The following CNOT4 variants were observed in gnomAD, a reference collection of about 807,000 sequenced individuals.
The protein encoded by CNOT4 is CCR4-NOT transcription complex subunit 4.
CNOT4 carries 8 observed loss-of-function variants against 73.8 expected under a neutral mutation model. That is an observed-to-expected ratio of 0.11 (90% CI 0.06 to 0.20). The LOEUF (loss-of-function observed/expected upper bound fraction) is 0.20. CNOT4 is among the 10% of genes least tolerant of loss of function. The pLI is 1.00. For missense variants in CNOT4, 564 were observed against 883.4 expected, an observed-to-expected ratio of 0.64 and a Z score of 4.58; for synonymous variants, 293 against 321.1, an observed-to-expected ratio of 0.91 and a Z score of 0.94.
rs548680829 is a variant in CNOT4 at position 135,407,641 on chromosome 7, G to A, written c.821+2874C>T. ...AAACAGGAAAAAGAAAATCTTTCCCGAAAGGCACAAGAGAGATATGCTATG... is the reference window on the plus strand; with the variant it reads ...AAACAGGAAAAAGAAAATCTTTCCCAAAAGGCACAAGAGAGATATGCTATG... On this transcript the variant is annotated intron_variant, in intron 7 of 11. Transcript: ENST00000541284. 1.1e-4 allele frequency among the ~76,000 whole-genome samples: 16 copies of A among 152,236 alleles called. No homozygotes were observed. In the South Asian group the frequency reaches 3.1e-3, roughly 30 times the overall value.
chr7:135,396,952 T>A (rs929073921), intron 8 of CNOT4, among the ~76,000 whole-genome samples: 2 of 152,124 alleles, frequency 1.3e-5, no homozygotes, highest in African/African-American at 4.8e-5. Context: ...ATTTTACCAT[T>A]TATTACTATT....
At position 135,393,958 on chromosome 7, in the gene CNOT4, C is replaced by T. The variant is rs374569292; in HGVS notation, c.1587G>A (p.Pro529=). The T allele has an allele frequency of 9.1e-5, 146 of 1,612,138 alleles. No homozygotes were observed. Among genetic ancestry groups the T allele is most frequent in the South Asian group, 1.1e-4 (10 of 91,002 alleles). Reference sequence around the variant, plus strand: ...CTCCCAGACCTGTGTTGTGCTGTGGCGGGAGATTCAAGTCCAAGAAATTAC... The same window carrying T: ...CTCCCAGACCTGTGTTGTGCTGTGGTGGGAGATTCAAGTCCAAGAAATTAC... ...SNSNFLDLNL[P]PQHNTGLGGI... The change falls in exon 10 of 12, where the codon CCG becomes CCA. Residue 529 remains proline (P), a synonymous_variant. Coordinates refer to ENST00000541284, the MANE Select transcript of CNOT4 (RefSeq NM_001190850.2).
At chr7:135,393,824 A>G in intron 10 of CNOT4, 94 bp downstream of exon 10, 1 of 791,346 alleles carries the variant, frequency 1.3e-6, no homozygotes, top group Non-Finnish European at 2.1e-6. Context: ...CCAAGATATT[A>G]GTACTCTGTT....
chr7:135,373,990 G>A (rs923494487), intron 10 of CNOT4, among the ~76,000 whole-genome samples: 1 of 152,124 alleles, frequency 6.6e-6, no homozygotes, highest in Non-Finnish European at 1.5e-5. Context: ...GTGTTTGGGG[G>A]TATTTTTCAT....
In CNOT4 at chr7:135,486,630, C is replaced by G. The variant is rs942043444; in HGVS notation, c.-93+23259G>C. 5.9e-5 allele frequency among the ~76,000 whole-genome samples: 9 copies of G among 152,206 alleles called. No individual in the cohort carries two copies. In the South Asian group the frequency reaches 1.4e-3, roughly 25 times the overall value. On this transcript the variant is annotated intron_variant, in intron 1 of 11. Coordinates refer to ENST00000541284, the MANE Select transcript of CNOT4 (RefSeq NM_001190850.2). ...ATGTTCATAACAGCTTTTAGTTGAG[C>G]CAGAAACTGAAAAGAACCAAAATGT...
intron 2 of CNOT4, among the ~76,000 whole-genome samples, chr7:135,423,518 G>A (rs912738204): frequency 6.7e-6 from 1 of 150,196 alleles, no homozygotes; most frequent in African/African-American, 2.5e-5. Flanking sequence ...CCAGAGTAAC[G>A]CTGACGGCAA....
chr7:135,456,926 C>G (rs1800570407), intron 1 of CNOT4, among the ~76,000 whole-genome samples: 1 of 151,976 alleles, frequency 6.6e-6, no homozygotes, highest in African/African-American at 2.4e-5. Flanking sequence ...AGAAGTAAAA[C>G]TAGTCTTTAT....
At chr7:135,487,549 G>A (rs533316494) in intron 1 of CNOT4, among the ~76,000 whole-genome samples, 39 of 151,992 alleles carry the variant, frequency 2.6e-4, no homozygotes, top group South Asian at 1.7e-3. Flanking sequence ...CTAATTTTCC[G>A]TACCTAAGCA....
chr7:135,472,321 CA>C (rs1193756241), intron 1 of CNOT4, among the ~76,000 whole-genome samples: 1 of 140,536 alleles, frequency 7.1e-6, no homozygotes, highest in African/African-American at 2.7e-5. Context: ...ACTAAAAATA[CA>C]AAAAATTAGC....
At position 135,409,629 on chromosome 7, in the gene CNOT4, T is replaced by C. The variant is rs1797487220; in HGVS notation, c.821+886A>G. 2.0e-5 allele frequency among the ~76,000 whole-genome samples: 3 copies of C among 152,254 alleles called. No individual in the cohort carries two copies. In the South Asian group the frequency reaches 6.2e-4, roughly 32 times the overall value. On this transcript the variant is annotated intron_variant, in intron 7 of 11. Coordinates refer to ENST00000541284, the MANE Select transcript of CNOT4 (RefSeq NM_001190850.2). ...TTTTAGCACCAAACAGACACTGGGC[T>C]ATAATATTTAACACCTAGACATTAG...
intron 1 of CNOT4, among the ~76,000 whole-genome samples, chr7:135,496,545 C>T (rs1179778222): frequency 2.6e-5 from 4 of 152,022 alleles, no homozygotes; most frequent in Non-Finnish European, 4.4e-5. Context: ...CCTCGAACTT[C>T]GTATTGGACT....
At chr7:135,403,377 A>C (rs986014596) in intron 7 of CNOT4, among the ~76,000 whole-genome samples, 1 of 152,260 alleles carries the variant, frequency 6.6e-6, no homozygotes, top group Non-Finnish European at 1.5e-5. Flanking sequence ...ATACTTTGAC[A>C]CAGGCTTCAA....
chr7:135,437,178 GCTTTTCTTTT>G (rs146097900), intron 2 of CNOT4, among the ~76,000 whole-genome samples: 1 of 151,592 alleles, frequency 6.6e-6, no homozygotes, highest in East Asian at 1.9e-4. Context: ...GTTAGGAGGG[GCTTTTCTTTT>G]CTTTTCTTTT....
intron 1 of CNOT4, chr7:135,444,891 G>C: frequency 1.3e-6 from 2 of 1,599,208 alleles, no homozygotes; most frequent in South Asian, 2.2e-5. Context: ...CTATCACGAT[G>C]TGGGCATCTG....
In CNOT4 at chr7:135,472,116, T is replaced by C. The variant is rs183837216; in HGVS notation, c.-92-33693A>G. ...TGAGCCTGGGAGGTGGAGGTTGCAG[T>C]GAGCTGAGATCACACCACTGTACTC... On this transcript the variant is annotated intron_variant, in intron 1 of 11. Coordinates refer to ENST00000541284, the MANE Select transcript of CNOT4 (RefSeq NM_001190850.2). Among the ~76,000 whole-genome samples the C allele has an allele frequency of 7.6e-4, 115 of 151,224 alleles. 1 individual carries two copies. Among genetic ancestry groups the C allele is most frequent in the South Asian group, 1.9e-3 (9 of 4,760 alleles).
chr7:135,399,128 A>G (rs1159027671), intron 7 of CNOT4, among the ~76,000 whole-genome samples: 5 of 151,578 alleles, frequency 3.3e-5, no homozygotes, highest in Non-Finnish European at 7.4e-5. Flanking sequence ...CAGTGTACTG[A>G]TATCATTCCT....
intron 1 of CNOT4, among the ~76,000 whole-genome samples, chr7:135,476,615 G>A (rs1802010979): frequency 6.6e-6 from 1 of 152,214 alleles, no homozygotes; most frequent in Non-Finnish European, 1.5e-5. Context: ...GATTGAGGCT[G>A]CAGTAAGCTA....
chr7:135,447,843 T>A (rs1434128427), intron 1 of CNOT4, among the ~76,000 whole-genome samples: 3 of 152,188 alleles, frequency 2.0e-5, no homozygotes, highest in Non-Finnish European at 4.4e-5. Context: ...AAATTGTACA[T>A]GCAGTGACCT....
chr7:135,427,340 A>G (rs1431983348), intron 2 of CNOT4, among the ~76,000 whole-genome samples: 1 of 150,612 alleles, frequency 6.6e-6, no homozygotes, highest in African/African-American at 2.4e-5. Context: ...TTTTTTTCCT[A>G]TTTCACAAAA....
Sources: allele counts gnomAD v4.1 joint callset (sites outside exome capture counted in the v4.1 genomes callset), GRCh38; gene constraint gnomAD v4.1.1; transcripts MANE v1.5; gene names NCBI Gene and HGNC (gene_info 2026-07-23, HGNC 2026-07-21).